ZFHX3: variants seen among roughly 807,000 people sequenced by gnomAD.
ZFHX3 encodes the protein zinc finger homeobox protein 3.
In ZFHX3, 42 loss-of-function variants were observed where a neutral mutation model predicts 279.1. The ratio of observed to expected loss-of-function variants is 0.15; its 90% CI spans 0.12 to 0.19. The LOEUF is 0.19. Ranked by LOEUF, ZFHX3 falls within the 10% of genes least tolerant of loss-of-function variation. ZFHX3 has a pLI of 1.00. For missense variants in ZFHX3, 4,981 were observed against 4,754.0 expected (o/e 1.05, Z -1.40); for synonymous variants, 2,293 against 1,957.8 (o/e 1.17, Z -4.52).
At chr16:73,362,976 C>T (rs1332912634) in intron 3 of ZFHX3, among the ~76,000 whole-genome samples, 1 of 152,224 alleles carries the variant, frequency 6.6e-6, no homozygotes, top group Admixed American at 6.5e-5. Flanking sequence ...AACAAATGAT[C>T]ACAATACTTT....
At chr16:73,276,420 G>A (rs774485577) in intron 4 of ZFHX3, among the ~76,000 whole-genome samples, 2 of 152,076 alleles carry the variant, frequency 1.3e-5, no homozygotes, top group African/African-American at 4.8e-5. Context: ...TTGGCCTCAA[G>A]TGATCTGCCT....
chr16:73,541,698 C>T (rs927124943), intron 2 of ZFHX3, among the ~76,000 whole-genome samples: 4 of 151,168 alleles, frequency 2.6e-5, no homozygotes, highest in Non-Finnish European at 5.9e-5. Context: ...AGAGGCGGCT[C>T]GCGAGGCAAA....
At chr16:73,172,980 A>G (rs1325685019) in intron 5 of ZFHX3, among the ~76,000 whole-genome samples, 10 of 22,752 alleles carry the variant, frequency 4.4e-4, no homozygotes, top group African/African-American at 7.0e-4. Flanking sequence ...CTGTTTCCTG[A>G]TGGGACTGTT....
At chr16:73,143,828 C>T (rs573472976) in exon 6 of ZFHX3, 74 of 1,288,428 alleles carry the variant, frequency 5.7e-5, no homozygotes, top group South Asian at 2.6e-4. Context: ...TTATATCTTC[C>T]GAGCTGAAGA....
intron 4 of ZFHX3, among the ~76,000 whole-genome samples, chr16:73,281,021 A>AGAGGAGAGGAGAGGAGAGGG (rs1250485233): frequency 5.5e-5 from 5 of 91,372 alleles, no homozygotes; most frequent in Non-Finnish European, 6.2e-5. Flanking sequence ...AAAGGAGAGG[A>AGAGGAGAGGAGAGGAGAGGG]GAGGAGAGGG....
chr16:73,172,996 GTTTTTTTTTTTGTTTTTT>G (rs1567409576), intron 5 of ZFHX3, among the ~76,000 whole-genome samples: 2 of 25,288 alleles, frequency 7.9e-5, no homozygotes, highest in Non-Finnish European at 1.3e-4. Flanking sequence ...CTGTTTTTTT[GTTTTTTTTTTTGTTTTTT>G]TTTTTTTTTT....
At chr16:72,943,913 T>A (rs1386982195) in intron 3 of ZFHX3, among the ~76,000 whole-genome samples, 1 of 152,142 alleles carries the variant, frequency 6.6e-6, no homozygotes, top group Non-Finnish European at 1.5e-5. Flanking sequence ...TATGTCGACA[T>A]TAAAAAGAGT....
At chr16:73,011,084 C>T (rs1007683481) in intron 1 of ZFHX3, among the ~76,000 whole-genome samples, 2 of 152,076 alleles carry the variant, frequency 1.3e-5, no homozygotes, top group Non-Finnish European at 2.9e-5. Context: ...CGGGTTTAAG[C>T]GATTCTCCCA....
intron 1 of ZFHX3, among the ~76,000 whole-genome samples, chr16:73,682,588 C>A (rs1597063270): frequency 6.6e-6 from 1 of 151,864 alleles, no homozygotes; most frequent in African/African-American, 2.4e-5. Flanking sequence ...GAGTTTGAGA[C>A]CAGCCTGGCC....
chr16:73,691,513 G>A (rs984717076), intron 1 of ZFHX3, among the ~76,000 whole-genome samples: 2 of 152,112 alleles, frequency 1.3e-5, no homozygotes, highest in African/African-American at 4.8e-5. Context: ...GTTTATAGCT[G>A]GAGAACTTCC....
Position 73,629,233 on chromosome 16 carries a change from C to T in ZFHX3, c.-1547+50947G>A, listed in dbSNP as rs146861306. On this transcript the variant is annotated intron_variant, in intron 2 of 17. Coordinates refer to the ZFHX3 transcript ENST00000641206. ...TAATCCATCTCCTGCTGCACACTCG[C>T]TTCCAACCCTGCCCTGTATGTTGCC... Among the ~76,000 whole-genome samples the T allele has an allele frequency of 5.9e-3, 898 of 152,318 alleles. 3 individuals are homozygous for T. The highest frequency in any genetic ancestry group is 0.02 in the Middle Eastern group (6 of 294).
At chr16:73,726,322 T>C (rs1035055727) in intron 1 of ZFHX3, among the ~76,000 whole-genome samples, 7 of 152,282 alleles carry the variant, frequency 4.6e-5, no homozygotes, top group African/African-American at 1.4e-4. Flanking sequence ...CCAGAGGACA[T>C]ATTGCTGCCA....
Position 73,120,649 on chromosome 16 carries a change from C to CTTTTTTTTTTTTTTTTT in ZFHX3, c.-897+10318_-897+10319insAAAAAAAAAAAAAAAAA. ...TTGTTTTTCTGCCCTATCCTCTCTACCTTTTTTTTTTTTTTTTTTTTTTGA... is the reference window on the plus strand; with the variant it reads ...TTGTTTTTCTGCCCTATCCTCTCTACTTTTTTTTTTTTTTTTTCTTTTTTTTTTTTTTTTTTTTTTGA... On this transcript the variant is annotated intron_variant, in intron 7 of 17. Coordinates refer to the ZFHX3 transcript ENST00000641206. 1.9e-5 allele frequency among the ~76,000 whole-genome samples: 2 copies of CTTTTTTTTTTTTTTTTT among 106,202 alleles called. 1 individual carries two copies. Among genetic ancestry groups the CTTTTTTTTTTTTTTTTT allele is most frequent in the Non-Finnish European group, 4.0e-5 (2 of 50,578 alleles). The allele number at this position is 106,202 out of a possible 152,430, so 69.7% of individuals were successfully genotyped here. A position where few individuals can be genotyped will look rare whatever the true frequency, so the allele number is the denominator to read the frequency against.
chr16:73,679,081 G>A (rs1467013987), intron 2 of ZFHX3, among the ~76,000 whole-genome samples: 1 of 151,750 alleles, frequency 6.6e-6, no homozygotes, highest in Non-Finnish European at 1.5e-5. Context: ...TGAAGTAAAT[G>A]AAAACAAAAT....
intron 5 of ZFHX3, among the ~76,000 whole-genome samples, chr16:73,169,938 C>T (rs147400205): frequency 6.6e-6 from 1 of 152,228 alleles, no homozygotes; most frequent in East Asian, 1.9e-4. Flanking sequence ...TCCTTTGCTG[C>T]ATTTATTACA....
At chr16:73,468,229 G>T (rs533816697) in intron 2 of ZFHX3, among the ~76,000 whole-genome samples, 1 of 152,178 alleles carries the variant, frequency 6.6e-6, no homozygotes, top group South Asian at 2.1e-4. Flanking sequence ...ACACCTCTAA[G>T]GACAGTCCTC....
chr16:73,579,873 T>TATATATATATATAC (rs879701579), intron 2 of ZFHX3, among the ~76,000 whole-genome samples: 21 of 145,428 alleles, frequency 1.4e-4, no homozygotes, highest in Non-Finnish European at 1.8e-4. Context: ...TATATATATA[T>TATATATATATATAC]ACATACACAC....
rs530184190 is a variant in ZFHX3, at chr16:73,473,831, A to G, written c.-1546-17573T>C. ...AACTGTGTGGGTCAGGGAAGCATCA[A>G]ATGAACACTTCTGAATAAAAACAAA... On this transcript the variant is annotated intron_variant, in intron 2 of 17. Transcript: ENST00000641206. 4.6e-5 allele frequency among the ~76,000 whole-genome samples: 7 copies of G among 152,318 alleles called. No homozygotes were observed. The South Asian group carries it at 6.2e-4, about 14-fold the overall frequency.
intron 2 of ZFHX3, among the ~76,000 whole-genome samples, chr16:73,605,028 T>C (rs2052163505): frequency 1.3e-5 from 2 of 152,326 alleles, no homozygotes; most frequent in South Asian, 4.1e-4. Flanking sequence ...GACTAACTGC[T>C]ATACCCCAGC....
Sources: gnomAD v4.1 joint callset for allele counts (sites outside exome capture counted in the v4.1 genomes callset) on GRCh38, gnomAD v4.1.1 for gene constraint, MANE v1.5 for transcripts, NCBI Gene and HGNC (gene_info 2026-07-23, HGNC 2026-07-21) for gene names.